FN1: variants seen among roughly 807,000 people sequenced by gnomAD.
The protein encoded by FN1 is fibronectin.
A neutral mutation model predicts 297.3 loss-of-function variants in FN1; 106 were observed. The observed-to-expected ratio is 0.36, with a 90% CI of 0.30 to 0.42. FN1 has a LOEUF of 0.42. Ranked by LOEUF, FN1 falls within the 10% of genes least tolerant of loss-of-function variation. The probability of loss-of-function intolerance (pLI) is 1.00; values close to 1 mark genes in which losing one functional copy is unlikely to be tolerated. For missense variants in FN1, 2,690 were observed against 3,124.9 expected (o/e 0.86, Z 3.32); for synonymous variants, 1,149 against 1,152.6 (o/e 1.00, Z 0.06).
intron 8 of FN1, 22 bp from the exon 9 acceptor site, chr2:215,423,548 A>G (rs779176791): frequency 6.2e-7 from 1 of 1,610,730 alleles, no homozygotes; most frequent in East Asian, 2.2e-5. Context: ...AATACACAAC[A>G]AAGAAGGAAA....
At chr2:215,383,872 A>C in intron 30 of FN1, 148 bp downstream of exon 30, 1 of 863,824 alleles carries the variant, frequency 1.2e-6, no homozygotes, top group Non-Finnish European at 1.8e-6. Flanking sequence ...CTGGCTCAAA[A>C]CTCTGTTCGC....
intron 12 of FN1, among the ~76,000 whole-genome samples, chr2:215,418,969 G>A (rs1349018409): frequency 1.3e-5 from 2 of 151,616 alleles, no homozygotes; most frequent in Admixed American, 1.3e-4. Flanking sequence ...GATGAAATTA[G>A]CCAGAGTGTC....
chr2:215,418,228 T>C (rs949591630), intron 12 of FN1, among the ~76,000 whole-genome samples: 1 of 152,160 alleles, frequency 6.6e-6, no homozygotes, highest in African/African-American at 2.4e-5. Flanking sequence ...TCCAAGTTCC[T>C]AGAAAAGGTG....
In FN1 at chr2:215,408,034, G is replaced by A. The variant is rs553253089; in HGVS notation, c.2518+74C>T. Reference sequence around the variant, plus strand: ...ATTTAAAGTGATATGCAGGTCCGCAGTCAGAATCTGCGCCCTCCCTGCTGA... The same window carrying A: ...ATTTAAAGTGATATGCAGGTCCGCAATCAGAATCTGCGCCCTCCCTGCTGA... On this transcript the variant is annotated intron_variant, in intron 17 of 45. Coordinates refer to ENST00000354785, the MANE Select transcript of FN1 (RefSeq NM_212482.4). 11 of 1,148,516 alleles carry A rather than the reference G, an allele frequency of 9.6e-6. No individual in the cohort carries two copies. In the Admixed American group the frequency reaches 1.7e-4, roughly 18 times the overall value. The allele number at this position is 1,148,516 out of a possible 1,614,324, so 71.1% of individuals were successfully genotyped here.
At chr2:215,370,473 T>A in intron 40 of FN1, 41 bp from the exon 41 acceptor site, 1 of 1,581,556 alleles carries the variant, frequency 6.3e-7, no homozygotes, top group Non-Finnish European at 8.6e-7. Context: ...GAAAGCATTA[T>A]AGTGAGGAAT....
intron 17 of FN1, 107 bp downstream of exon 17, chr2:215,408,001 T>A: frequency 1.3e-6 from 1 of 792,426 alleles, no homozygotes; most frequent in Non-Finnish European, 2.2e-6. Context: ...CCATAAATTA[T>A]ATTGGAGATT....
Position 215,425,192 on chromosome 2 carries a change from C to A in FN1, c.938G>T (p.Gly313Val), listed in dbSNP as rs1431183911. The A allele has an allele frequency of 3.1e-6, 5 of 1,614,142 alleles. No individual in the cohort carries two copies. The East Asian group carries it at 1.1e-4, about 36-fold the overall frequency. The change falls in exon 7 of 46, where the codon GGT becomes GTT. Residue 313 changes from glycine to valine, a missense_variant. By Grantham distance (109) the Gly-to-Val change is moderately radical. Coordinates refer to ENST00000354785, the MANE Select transcript of FN1 (RefSeq NM_212482.4). ...PPYGHCVTDS[G>V]VVYSVGMQWL... The stretch of plus-strand genomic sequence containing the variant: ...CTGCATCCCCACAGAGTAGACCACA[C>A]CACTGTCTGTGACACAGTGGCCATA...
At chr2:215,420,440 A>T (rs1180115207) in intron 11 of FN1, among the ~76,000 whole-genome samples, 1 of 152,220 alleles carries the variant, frequency 6.6e-6, no homozygotes, top group East Asian at 1.9e-4. Context: ...AATAAATTCC[A>T]TTCAATTAAA....
chr2:215,431,701 CA>C, intron 4 of FN1, 131 bp downstream of exon 4: 1 of 959,262 alleles, frequency 1.0e-6, no homozygotes. Flanking sequence ...TTCATTATTT[CA>C]AACAAAATTC....
At chr2:215,423,178 C>T (rs1471353509) in intron 9 of FN1, among the ~76,000 whole-genome samples, 172 bp downstream of exon 9, 1 of 103,938 alleles carries the variant, frequency 9.6e-6, no homozygotes, top group Non-Finnish European at 1.8e-5. Context: ...TATGATGTAA[C>T]ATCACACACA....
chr2:215,383,422 C>G lies in FN1; in HGVS notation c.4956G>C (p.Lys1652Asn). 1 of 1,614,114 alleles carries G rather than the reference C, an allele frequency of 6.2e-7. No homozygotes were observed. The highest frequency in any genetic ancestry group is 8.5e-7 in the Non-Finnish European group (1 of 1,179,994). ...TDVQDNSISVKWLPSSSPVTG... is the reference protein window; with the variant it reads ...TDVQDNSISVNWLPSSSPVTG... Reference sequence around the variant, plus strand: ...TAACAGGGGAACTTGAAGGCAGCCACTTGACACTAATGCTGTTGTCCTGAA... The same window carrying G: ...TAACAGGGGAACTTGAAGGCAGCCAGTTGACACTAATGCTGTTGTCCTGAA... The change falls in exon 31 of 46, where the codon AAG becomes AAC. Residue 1652 changes from lysine to asparagine, a missense_variant. Around this residue, in one of 3 missense-constraint regions of FN1, gnomAD observed 1,743 missense variants for 1,945.2 expected, o/e 0.90. Coordinates refer to ENST00000354785, the MANE Select transcript of FN1 (RefSeq NM_212482.4).
chr2:215,395,911 CTTA>C (rs2060257560), intron 23 of FN1, among the ~76,000 whole-genome samples: 1 of 27,718 alleles, frequency 3.6e-5, no homozygotes, highest in African/African-American at 1.2e-4. Context: ...AGATTGTCAA[CTTA>C]AAGTTTCAAA....
rs1431260168 is a variant in FN1 at position 215,391,802 on chromosome 2, G to A, written c.4082C>T (p.Pro1361Leu). The A allele has an allele frequency of 1.2e-6, 2 of 1,614,070 alleles. No homozygotes were observed. The highest frequency in any genetic ancestry group is 2.2e-5 in the South Asian group (2 of 91,084). The change falls in exon 26 of 46, where the codon CCC becomes CTC. Residue 1361 changes from proline to leucine, a missense_variant. Pro to Leu is a moderately conservative substitution (Grantham distance 98). This residue lies in a region of FN1 where 1,743 missense variants were observed against 1,945.2 expected (regional missense o/e 0.90). Transcript: ENST00000354785. ...TLTQQTAVPP[P>L]TDLRFTNIGP... is the part of the protein sequence containing the mutation. ...AATGTTGGTGAATCGCAGGTCAGTG[G>A]GAGGAGGAACAGCTGGTTTCGAACA... is the stretch of plus-strand genomic sequence containing the variant.
intron 34 of FN1, among the ~76,000 whole-genome samples, chr2:215,378,532 G>T (rs1007888000): frequency 6.6e-6 from 1 of 152,062 alleles, no homozygotes; most frequent in Admixed American, 6.6e-5. Context: ...TGAGAAAAGT[G>T]GGTATTAGCG....
rs2056296658 is a variant in FN1, at chr2:215,372,049, G to A, written c.6574C>T (p.His2192Tyr). 1 of 1,614,224 alleles carries A rather than the reference G, an allele frequency of 6.2e-7. No homozygotes were observed. Among genetic ancestry groups the A allele is most frequent in the African/African-American group, 1.3e-5 (1 of 75,052 alleles). The change falls in exon 40 of 46, where the codon CAC becomes TAC. Residue 2192 changes from histidine (H) to tyrosine (Y), a missense_variant. Around this residue, in one of 3 missense-constraint regions of FN1, gnomAD observed 1,743 missense variants for 1,945.2 expected, o/e 0.90. Transcript: ENST00000354785. The part of the protein sequence containing the change: ...REDVDYHLYP[H>Y]GPGLNPNAST... ...GCATTTGGATTGAGTCCCGGACCGT[G>A]TGGGTACAGGTGATAGTCTACATCT...
At chr2:215,396,284 C>T (rs527939217) in intron 23 of FN1, among the ~76,000 whole-genome samples, 10 of 152,248 alleles carry the variant, frequency 6.6e-5, no homozygotes, top group African/African-American at 4.8e-5. Context: ...TAAGATTTTT[C>T]TCCATAGGTT....
chr2:215,391,904 G>T (rs2059751781), intron 25 of FN1, 90 bp from the exon 26 acceptor site: 1 of 1,047,762 alleles, frequency 9.5e-7, no homozygotes, highest in Non-Finnish European at 1.5e-6. Flanking sequence ...AATATTTCAT[G>T]CATAAAGGAA....
intron 20 of FN1, among the ~76,000 whole-genome samples, chr2:215,401,947 TG>T (rs1313106491): frequency 6.9e-6 from 1 of 144,596 alleles, no homozygotes; most frequent in Non-Finnish European, 1.5e-5. Context: ...TGGTGGGGGG[TG>T]GGGGGACATG....
chr2:215,375,384 G>A lies in FN1; in HGVS notation c.5987C>T (p.Ala1996Val). The change falls in exon 38 of 46, where the codon GCA becomes GTA. Residue 1996 changes from alanine (A) to valine (V), a missense_variant. This residue lies in a region of FN1 where 1,743 missense variants were observed against 1,945.2 expected (regional missense o/e 0.90). Transcript: ENST00000354785. ...VVIDASTAID[A>V]PSNLRFLATT... ...GGCCAGGAAACGCAGGTTGGATGGT[G>A]CATCAATGGCTGAAAGAAAACAAAA... is the stretch of plus-strand genomic sequence containing the variant. 2 of 1,608,304 alleles carry A rather than the reference G, an allele frequency of 1.2e-6. No homozygotes were observed. Among genetic ancestry groups the A allele is most frequent in the Non-Finnish European group, 1.7e-6 (2 of 1,178,778 alleles).
Sources: allele counts gnomAD v4.1 joint callset (sites outside exome capture counted in the v4.1 genomes callset), GRCh38; gene constraint gnomAD v4.1.1; regional missense constraint gnomAD v4.1.1; transcripts MANE v1.5; gene names NCBI Gene and HGNC (gene_info 2026-07-23, HGNC 2026-07-21).